DNAAF9: variants seen among roughly 807,000 people sequenced by gnomAD.
DNAAF9 encodes the protein dynein axonemal assembly factor 9.
In DNAAF9, 90 loss-of-function variants were observed where a neutral mutation model predicts 167.0. That is an observed-to-expected ratio of 0.54 (90% CI 0.45 to 0.64). The LOEUF (loss-of-function observed/expected upper bound fraction) is 0.64, where lower values mean the gene tolerates loss of function less well. Ranked by LOEUF, DNAAF9 falls within the 30% of genes least tolerant of loss-of-function variation. DNAAF9 has a pLI of 0.00. For synonymous variants in DNAAF9, 491 were observed against 508.8 expected, an observed-to-expected ratio of 0.96 and a Z score of 0.47; for missense variants, 1,315 against 1,442.2, an observed-to-expected ratio of 0.91 and a Z score of 1.43.
intron 18 of DNAAF9, chr20:3,316,152 C>T: frequency 3.8e-6 from 1 of 265,368 alleles, no homozygotes; most frequent in Non-Finnish European, 7.2e-6. Context: ...TAGAGGATAA[C>T]TCTCGGTCTT....
At position 3,376,317 on chromosome 20, in the gene DNAAF9, A is replaced by G. The variant is rs2083574799; in HGVS notation, c.284-15T>C. 2 of 1,589,668 alleles carry G rather than the reference A, an allele frequency of 1.3e-6. No homozygotes were observed. The highest frequency in any genetic ancestry group is 2.7e-5 in the African/African-American group (2 of 73,886). ...TATAATTACATCTGTAAGAAAAACAAAATCAAAACACAAGACTGTCAAACA... is the reference window on the plus strand; with the variant it reads ...TATAATTACATCTGTAAGAAAAACAGAATCAAAACACAAGACTGTCAAACA... On this transcript the variant is annotated splice_polypyrimidine_tract_variant and intron_variant, in intron 3 of 36. Coordinates refer to ENST00000252032, the MANE Select transcript of DNAAF9 (RefSeq NM_001009984.3).
In DNAAF9 at chr20:3,407,658, G is replaced by A; in HGVS notation, c.-101C>T. 9.0e-7 allele frequency: 1 copy of A among 1,106,722 alleles called. No homozygotes were observed. The highest frequency in any genetic ancestry group is 4.8e-5 in the East Asian group (1 of 20,778). The allele number at this position is 1,106,722 out of a possible 1,614,324, so 68.6% of individuals were successfully genotyped here. ...TAGCTGCGGCCGGGCGGGGCGGCAG[G>A]GCGTGCCGGGTGGGAGGGGGCGCGG... On this transcript the variant is annotated 5_prime_UTR_variant, in exon 1 of 37. Transcript: ENST00000252032.
intron 16 of DNAAF9, among the ~76,000 whole-genome samples, chr20:3,320,802 C>A (rs534154318): frequency 1.2e-4 from 18 of 152,284 alleles, no homozygotes; most frequent in African/African-American, 4.3e-4. Flanking sequence ...GATGGGGATG[C>A]GCTTGTACCA....
chr20:3,374,930 G>A, intron 5 of DNAAF9, 100 bp downstream of exon 5: 1 of 670,668 alleles, frequency 1.5e-6, no homozygotes. Context: ...TAGACGAAGG[G>A]GTTTCTCAGC....
rs562896316 is a variant in DNAAF9 at position 3,298,042 on chromosome 20, G to A, written c.1916C>T (p.Ala639Val). 69 of 1,612,768 alleles carry A rather than the reference G, an allele frequency of 4.3e-5. No individual in the cohort carries two copies. In the East Asian group the frequency reaches 1.3e-3, roughly 30 times the overall value. Reference protein sequence around the residue: ...ALFPKSKIYQAFYSEVFSLWK... With the variant: ...ALFPKSKIYQVFYSEVFSLWK... ...GACTGATATTACCTCTGAGTAAAAT[G>A]CTTGGTATATCTTCGATTTGGGGAA... The change falls in exon 22 of 37, where the codon GCA (alanine) becomes GTA (valine). Residue 639 changes from alanine to valine, a missense_variant. By Grantham distance (64) the Ala-to-Val change is moderately conservative (BLOSUM62 0). Coordinates refer to ENST00000252032, the MANE Select transcript of DNAAF9 (RefSeq NM_001009984.3).
chr20:3,360,288 A>C (rs2083343453), intron 6 of DNAAF9: 1 of 152,112 alleles, frequency 6.6e-6, no homozygotes, highest in Non-Finnish European at 1.5e-5. Context: ...CTTCTGGCAA[A>C]GATGTAGTTC....
In DNAAF9 at chr20:3,283,628, T is replaced by A. The variant is rs530673893; in HGVS notation, c.2487-1862A>T. On this transcript the variant is annotated intron_variant, in intron 27 of 36. Transcript: ENST00000252032. ...CAGGCCCATAGAGAAGCACGCCTGG[T>A]AAGCAGGGCTGGCGTGTGCATGCTG... Among the ~76,000 whole-genome samples, 142 of 152,340 alleles carry A rather than the reference T, an allele frequency of 9.3e-4. 1 individual carries two copies. The highest frequency in any genetic ancestry group is 2.8e-3 in the African/African-American group (118 of 41,570).
chr20:3,266,679 G>A (rs770747865), intron 30 of DNAAF9, among the ~76,000 whole-genome samples: 2 of 151,436 alleles, frequency 1.3e-5, no homozygotes, highest in African/African-American at 2.4e-5. Flanking sequence ...GGGTTTCACC[G>A]TGTTGGCCAG....
intron 16 of DNAAF9, 31 bp downstream of exon 16, chr20:3,322,186 C>T: frequency 4.4e-6 from 7 of 1,581,748 alleles, no homozygotes; most frequent in Non-Finnish European, 6.1e-6. Context: ...AGGCCATTCC[C>T]AGCCAGCTGA....
At chr20:3,362,112 A>G (rs2083371924) in intron 6 of DNAAF9, 3 of 1,385,848 alleles carry the variant, frequency 2.2e-6, no homozygotes, top group South Asian at 1.2e-5. Flanking sequence ...ATTTAGGTCC[A>G]TATTCTATTT....
intron 1 of DNAAF9, among the ~76,000 whole-genome samples, chr20:3,406,343 C>T (rs1304416542): frequency 6.6e-6 from 1 of 152,138 alleles, no homozygotes; most frequent in Non-Finnish European, 1.5e-5. Context: ...GATTGGCAAC[C>T]TCCTTTCAAG....
At chr20:3,261,349 TTTAA>T (rs887452213) in intron 31 of DNAAF9, among the ~76,000 whole-genome samples, 18 of 150,752 alleles carry the variant, frequency 1.2e-4, no homozygotes, top group Admixed American at 2.6e-4. Flanking sequence ...TTTCCTTTAT[TTTAA>T]TTAATTAATT....
chr20:3,331,525 G>T (rs1174564056), intron 11 of DNAAF9, among the ~76,000 whole-genome samples: 1 of 152,156 alleles, frequency 6.6e-6, no homozygotes, highest in Non-Finnish European at 1.5e-5. Flanking sequence ...GGCAGCCCCA[G>T]CAAGCCTAGC....
At chr20:3,264,988 C>T (rs928353292) in intron 30 of DNAAF9, among the ~76,000 whole-genome samples, 1 of 152,106 alleles carries the variant, frequency 6.6e-6, no homozygotes, top group Non-Finnish European at 1.5e-5. Context: ...ATATTTTACC[C>T]CTAAATACTT....
rs1362006559 is a variant in DNAAF9 at position 3,350,134 on chromosome 20, CACACAGACACACAGACACACAG to C, written c.691-1533_691-1512del. 6.7e-3 allele frequency among the ~76,000 whole-genome samples: 929 copies of C among 138,890 alleles called. 9 individuals are homozygous for C. Among genetic ancestry groups the C allele is most frequent in the African/African-American group, 0.024 (881 of 36,596 alleles). The allele number at this position is 138,890 out of a possible 152,430, so 91.1% of individuals were successfully genotyped here. On this transcript the variant is annotated intron_variant, in intron 7 of 36. Transcript: ENST00000252032. ...CTGCCCAGACTATCAGACACACAGA[CACACAGACACACAGACACACAG>C]ACACACACACACACACACACACACA...
chr20:3,257,913 G>A lies in DNAAF9; in HGVS notation c.3055+1567C>T, dbSNP rs868830256. Among the ~76,000 whole-genome samples the A allele has an allele frequency of 6.6e-5, 10 of 152,314 alleles. 2 individuals are homozygous for A. The South Asian group carries it at 2.1e-3, about 32-fold the overall frequency. On this transcript the variant is annotated intron_variant, in intron 33 of 36. Transcript: ENST00000252032. ...CCCAGCTAATTTTGTATTTTTAGTA[G>A]AGACAGGGTTTCACCATGTTGGTCA...
Position 3,407,541 on chromosome 20 carries a change from G to C in DNAAF9, c.17C>G (p.Pro6Arg), listed in dbSNP as rs1038611290. The change falls in exon 1 of 37, where the codon CCG becomes CGG. Residue 6 changes from proline to arginine, a missense_variant. Physicochemically the swap from Pro to Arg is moderately radical, Grantham distance 103. This residue lies in a region of DNAAF9 where 981 missense variants were observed against 1,012.5 expected (regional missense o/e 0.97). Coordinates refer to ENST00000252032, the MANE Select transcript of DNAAF9 (RefSeq NM_001009984.3). MDVYP[P>R]RRQGLPRARS... ...AGCGCGGGGCAGCCCCTGCCGGCGCGGGGGGTACACGTCCATGGCGGCGGA... is the reference window on the plus strand; with the variant it reads ...AGCGCGGGGCAGCCCCTGCCGGCGCCGGGGGTACACGTCCATGGCGGCGGA... 9 of 1,256,842 alleles carry C rather than the reference G, an allele frequency of 7.2e-6. No homozygotes were observed. The highest frequency in any genetic ancestry group is 7.0e-6 in the Non-Finnish European group (7 of 1,004,562). 77.9% of individuals were successfully genotyped at this position (1,256,842 alleles called of 1,614,324 possible).
At chr20:3,402,041 A>G (rs534423814) in intron 1 of DNAAF9, among the ~76,000 whole-genome samples, 2 of 152,318 alleles carry the variant, frequency 1.3e-5, no homozygotes, top group South Asian at 4.1e-4. Context: ...ACATGTGTGA[A>G]ATATCTTCAT....
At chr20:3,369,920 G>A (rs2083485901) in intron 6 of DNAAF9, among the ~76,000 whole-genome samples, 1 of 151,948 alleles carries the variant, frequency 6.6e-6, no homozygotes, top group Admixed American at 6.6e-5. Flanking sequence ...TTTATGTCAA[G>A]TTTTCTTCTA....
Sources: allele counts gnomAD v4.1 joint callset (sites outside exome capture counted in the v4.1 genomes callset), GRCh38; gene constraint gnomAD v4.1.1; regional missense constraint gnomAD v4.1.1; transcripts MANE v1.5; gene names NCBI Gene and HGNC (gene_info 2026-07-23, HGNC 2026-07-21).